MSRA: variants seen among roughly 807,000 people sequenced by gnomAD.
MSRA encodes methionine sulfoxide reductase A, also known as mitochondrial peptide methionine sulfoxide reductase.
In MSRA, 54 loss-of-function variants were observed where a neutral mutation model predicts 31.3. That is an observed-to-expected ratio of 1.73 (90% CI 1.39 to 2.17). The LOEUF (loss-of-function observed/expected upper bound fraction) is 2.17. Among genes scored for constraint, MSRA ranks in the 30% most tolerant of loss-of-function variants. The probability of loss-of-function intolerance (pLI) is 0.00; values close to 1 mark genes in which losing one functional copy is unlikely to be tolerated. For missense variants in MSRA, 507 were observed against 300.9 expected (o/e 1.69, Z -5.07); for synonymous variants, 169 against 116.5 (o/e 1.45, Z -2.90).
intron 5 of MSRA, 143 bp from the exon 6 acceptor site, chr8:10,428,005 G>A: frequency 3.9e-6 from 3 of 772,182 alleles, no homozygotes; most frequent in South Asian, 2.0e-5. Context: ...CACTTGGAAT[G>A]CGGAGAGCCC....
chr8:10,188,419 A>G (rs1807234595), intron 1 of MSRA, among the ~76,000 whole-genome samples: 1 of 152,228 alleles, frequency 6.6e-6, no homozygotes, highest in South Asian at 2.1e-4. Context: ...GGATGTCAAA[A>G]TAGCAACAAA....
intron 5 of MSRA, among the ~76,000 whole-genome samples, chr8:10,352,837 C>T (rs947702556): frequency 5.3e-5 from 8 of 151,956 alleles, no homozygotes; most frequent in African/African-American, 9.7e-5. Context: ...CAACAACAAC[C>T]GGGGGAGAAA....
At chr8:10,084,392 G>A (rs1798447580) in intron 1 of MSRA, among the ~76,000 whole-genome samples, 3 of 152,248 alleles carry the variant, frequency 2.0e-5, no homozygotes, top group Admixed American at 6.5e-5. Flanking sequence ...AGGATCTGAT[G>A]CTTGGATCGT....
intron 5 of MSRA, among the ~76,000 whole-genome samples, chr8:10,407,456 T>C (rs1403466830): frequency 6.6e-6 from 1 of 152,208 alleles, no homozygotes; most frequent in African/African-American, 2.4e-5. Context: ...CTGGATGAAC[T>C]GTCAAGCTTT....
At chr8:10,201,161 C>G (rs750552590) in intron 1 of MSRA, among the ~76,000 whole-genome samples, 2 of 152,052 alleles carry the variant, frequency 1.3e-5, no homozygotes, top group East Asian at 1.9e-4. Flanking sequence ...GATAAATGCA[C>G]TTTACTCCAG....
At chr8:10,079,813 G>A (rs745421696) in intron 1 of MSRA, among the ~76,000 whole-genome samples, 9 of 152,160 alleles carry the variant, frequency 5.9e-5, no homozygotes, top group Admixed American at 1.3e-4. Flanking sequence ...CTGAGAGTGG[G>A]CTCAGGAATT....
chr8:10,345,908 C>T (rs1323928987), intron 5 of MSRA, among the ~76,000 whole-genome samples: 1 of 152,176 alleles, frequency 6.6e-6, no homozygotes, highest in Non-Finnish European at 1.5e-5. Flanking sequence ...ACTTGGCAAC[C>T]TACTTTATTT....
At chr8:10,333,571 T>C (rs1802833822) in intron 5 of MSRA, among the ~76,000 whole-genome samples, 1 of 152,210 alleles carries the variant, frequency 6.6e-6, no homozygotes, top group South Asian at 2.1e-4. Flanking sequence ...CTAGGTTTTC[T>C]TATTTGCTAA....
chr8:10,242,542 A>G (rs1484169366), intron 2 of MSRA, among the ~76,000 whole-genome samples: 2 of 152,140 alleles, frequency 1.3e-5, no homozygotes, highest in Non-Finnish European at 2.9e-5. Flanking sequence ...GCATTGAAAT[A>G]TATGTTTGTT....
chr8:10,134,264 G>A (rs986907361), intron 1 of MSRA, among the ~76,000 whole-genome samples: 2 of 152,202 alleles, frequency 1.3e-5, no homozygotes, highest in African/African-American at 4.8e-5. Flanking sequence ...CCATGAGCAC[G>A]TTGGTTGCTA....
intron 2 of MSRA, among the ~76,000 whole-genome samples, chr8:10,223,299 G>A (rs974862365): frequency 6.6e-6 from 1 of 152,206 alleles, no homozygotes; most frequent in Non-Finnish European, 1.5e-5. Flanking sequence ...TTGAAGTTGA[G>A]AAGCACTTCA....
intron 1 of MSRA, among the ~76,000 whole-genome samples, chr8:10,132,710 A>G (rs1260658589): frequency 6.6e-6 from 1 of 152,238 alleles, no homozygotes; most frequent in East Asian, 1.9e-4. Flanking sequence ...TGAGACATGT[A>G]ATAGTAATAA....
chr8:10,381,832 G>A (rs1310162192), intron 5 of MSRA, among the ~76,000 whole-genome samples: 4 of 152,136 alleles, frequency 2.6e-5, no homozygotes, highest in Non-Finnish European at 5.9e-5. Flanking sequence ...TGAAGTCACT[G>A]CCATCTTTAG....
chr8:10,273,939 A>G (rs562607420), intron 3 of MSRA, among the ~76,000 whole-genome samples: 3 of 152,156 alleles, frequency 2.0e-5, no homozygotes, highest in South Asian at 2.1e-4. Context: ...GCCTAGAGAG[A>G]GGCAGCTGCT....
At chr8:10,296,466 C>T (rs1323455408) in intron 3 of MSRA, among the ~76,000 whole-genome samples, 2 of 152,154 alleles carry the variant, frequency 1.3e-5, no homozygotes, top group African/African-American at 2.4e-5. Context: ...TTATTCCCAT[C>T]TAAAAAAGTA....
intron 5 of MSRA, among the ~76,000 whole-genome samples, chr8:10,398,241 C>T (rs1007788114): frequency 6.6e-6 from 1 of 152,192 alleles, no homozygotes; most frequent in Non-Finnish European, 1.5e-5. Flanking sequence ...TTGAACAGTT[C>T]TGGGGTAAGC....
chr8:10,151,296 T>C (rs997966472), intron 1 of MSRA, among the ~76,000 whole-genome samples: 1 of 147,212 alleles, frequency 6.8e-6, no homozygotes, highest in African/African-American at 2.5e-5. Flanking sequence ...AAATAAGGGC[T>C]TCCTGTAGGA....
At chr8:10,248,338 T>C (rs1797731326) in intron 3 of MSRA, among the ~76,000 whole-genome samples, 1 of 152,240 alleles carries the variant, frequency 6.6e-6, no homozygotes. Context: ...AGGTACCATG[T>C]GGTTTCTTGG....
chr8:10,344,458 C>T (rs1803640485), intron 5 of MSRA, among the ~76,000 whole-genome samples: 1 of 151,650 alleles, frequency 6.6e-6, no homozygotes, highest in South Asian at 2.1e-4. Flanking sequence ...CCTGAAGTCC[C>T]AGCTACTGGG....
Sources: gnomAD v4.1 joint callset for allele counts (sites outside exome capture counted in the v4.1 genomes callset) on GRCh38, gnomAD v4.1.1 for gene constraint, MANE v1.5 for transcripts, NCBI Gene and HGNC (gene_info 2026-07-23, HGNC 2026-07-21) for gene names.